CPEB4: variants seen among roughly 807,000 people sequenced by gnomAD.
CPEB4 encodes cytoplasmic polyadenylation element binding protein 4, also known as cytoplasmic polyadenylation element-binding protein 4.
A neutral mutation model predicts 72.5 loss-of-function variants in CPEB4; 12 were observed. The observed-to-expected ratio is 0.17, with a 90% CI of 0.11 to 0.27. CPEB4 has a LOEUF of 0.27. Ranked by LOEUF, CPEB4 falls within the 10% of genes least tolerant of loss-of-function variation. The pLI is 1.00. For synonymous variants in CPEB4, 302 were observed against 326.3 expected, an observed-to-expected ratio of 0.93 and a Z score of 0.80; for missense variants, 614 against 908.5, an observed-to-expected ratio of 0.68 and a Z score of 4.17.
At chr5:173,947,665 T>A (rs1758074545) in intron 5 of CPEB4, among the ~76,000 whole-genome samples, 1 of 152,138 alleles carries the variant, frequency 6.6e-6, no homozygotes, top group Non-Finnish European at 1.5e-5. Flanking sequence ...AACTCATTAG[T>A]TTTTGTAAGT....
intron 2 of CPEB4, among the ~76,000 whole-genome samples, chr5:173,924,926 G>A (rs980157154): frequency 6.6e-6 from 1 of 152,180 alleles, no homozygotes; most frequent in Non-Finnish European, 1.5e-5. Context: ...TGTAAATATG[G>A]TGTAATAAGT....
intron 1 of CPEB4, among the ~76,000 whole-genome samples, chr5:173,895,550 G>A (rs1458878794): frequency 6.6e-6 from 1 of 152,184 alleles, no homozygotes; most frequent in East Asian, 1.9e-4. Flanking sequence ...AGTTCTAAAA[G>A]TCATGGTGGA....
At chr5:173,907,821 C>T (rs1310593636) in intron 1 of CPEB4, among the ~76,000 whole-genome samples, 3 of 152,214 alleles carry the variant, frequency 2.0e-5, no homozygotes. Context: ...CCTGCCACCT[C>T]AGGCTCTTTT....
At chr5:173,920,899 ATCTTT>A (rs1198233987) in intron 2 of CPEB4, among the ~76,000 whole-genome samples, 3 of 152,218 alleles carry the variant, frequency 2.0e-5, no homozygotes, top group African/African-American at 7.2e-5. Context: ...TCTAAACTAC[ATCTTT>A]TCTTTTTGAG....
At chr5:173,952,649 G>A (rs963351583) in intron 8 of CPEB4, among the ~76,000 whole-genome samples, 2 of 152,012 alleles carry the variant, frequency 1.3e-5, no homozygotes, top group Non-Finnish European at 2.9e-5. Context: ...TAAGCCAGGA[G>A]GGCCCACAAA....
chr5:173,911,057 A>G (rs943950416), intron 2 of CPEB4, among the ~76,000 whole-genome samples: 1 of 151,714 alleles, frequency 6.6e-6, no homozygotes, highest in Non-Finnish European at 1.5e-5. Context: ...TGTAGTTCTC[A>G]GAATTTTTTT....
At chr5:173,897,865 G>A (rs1215001738) in intron 1 of CPEB4, among the ~76,000 whole-genome samples, 1 of 142,154 alleles carries the variant, frequency 7.0e-6, no homozygotes, top group Non-Finnish European at 1.6e-5. Context: ...GTTACCGTAT[G>A]TTTATATATA....
intron 1 of CPEB4, among the ~76,000 whole-genome samples, chr5:173,898,971 T>C (rs535791299): frequency 1.3e-5 from 2 of 152,328 alleles, no homozygotes; most frequent in African/African-American, 4.8e-5. Flanking sequence ...TGGCCTGAAC[T>C]TAATTTTAAA....
chr5:173,933,980 C>G (rs2113243217), intron 3 of CPEB4, among the ~76,000 whole-genome samples: 1 of 152,268 alleles, frequency 6.6e-6, no homozygotes, highest in South Asian at 2.1e-4. Flanking sequence ...TCCAGGAATT[C>G]AACACCAGCC....
At chr5:173,893,124 A>T (rs976918352) in intron 1 of CPEB4, 1 of 151,888 alleles carries the variant, frequency 6.6e-6, no homozygotes, top group South Asian at 2.1e-4. Flanking sequence ...GAAATAAATG[A>T]TTTGAAAAAA....
chr5:173,905,014 A>G (rs1449744442), intron 1 of CPEB4, among the ~76,000 whole-genome samples: 2,201 of 59,932 alleles, frequency 0.037, 50 homozygotes, highest in African/African-American at 0.13. Flanking sequence ...TAATAATAAT[A>G]ATAAAAAAAT....
chr5:173,896,541 T>C (rs1195983295), intron 1 of CPEB4, among the ~76,000 whole-genome samples: 1 of 152,182 alleles, frequency 6.6e-6, no homozygotes, highest in African/African-American at 2.4e-5. Flanking sequence ...GAACAATTAT[T>C]GAGAAAGGCT....
At position 173,958,813 on chromosome 5, in the gene CPEB4, T is replaced by C. The variant is rs1758457786; in HGVS notation, c.*2676T>C. On this transcript the variant is annotated 3_prime_UTR_variant, in exon 10 of 10. Coordinates refer to ENST00000265085, the MANE Select transcript of CPEB4 (RefSeq NM_030627.4). ...GACATTTTTGGTGAATGTTTAGCCATTTTTAATATTAATAAATTGATGTTA... is the reference window on the plus strand; with the variant it reads ...GACATTTTTGGTGAATGTTTAGCCACTTTTAATATTAATAAATTGATGTTA... 1 of 152,672 alleles carries C rather than the reference T, an allele frequency of 6.5e-6. No homozygotes were observed. Among genetic ancestry groups the C allele is most frequent in the Non-Finnish European group, 1.5e-5 (1 of 68,026 alleles). 9.5% of individuals were successfully genotyped at this position (152,672 alleles called of 1,614,324 possible).
At chr5:173,926,011 T>G (rs368069681) in intron 2 of CPEB4, among the ~76,000 whole-genome samples, 8 of 152,226 alleles carry the variant, frequency 5.3e-5, no homozygotes, top group Admixed American at 2.0e-4. Flanking sequence ...TACTTGTCAC[T>G]TTAGAGTTAT....
At chr5:173,923,836 G>T (rs1383539805) in intron 2 of CPEB4, among the ~76,000 whole-genome samples, 1 of 151,912 alleles carries the variant, frequency 6.6e-6, no homozygotes, top group Non-Finnish European at 1.5e-5. Context: ...TTATCTTGTT[G>T]CTCTGTCCTC....
chr5:173,947,774 C>G (rs914248713), intron 5 of CPEB4, among the ~76,000 whole-genome samples: 6 of 152,112 alleles, frequency 3.9e-5, no homozygotes, highest in African/African-American at 1.4e-4. Context: ...ATAATGAATA[C>G]TCACTAGCAG....
At chr5:173,893,860 C>G (rs557513624) in intron 1 of CPEB4, among the ~76,000 whole-genome samples, 39 of 152,024 alleles carry the variant, frequency 2.6e-4, no homozygotes, top group African/African-American at 9.4e-4. Context: ...CATAATCCTC[C>G]CCCCCAATAA....
chr5:173,938,427 T>C (rs2113256961), intron 3 of CPEB4, among the ~76,000 whole-genome samples: 1 of 152,296 alleles, frequency 6.6e-6, no homozygotes, highest in African/African-American at 2.4e-5. Flanking sequence ...GGTTTTACCA[T>C]ATTGGCCAGG....
chr5:173,899,379 A>T (rs1421831633), intron 1 of CPEB4, among the ~76,000 whole-genome samples: 1 of 152,032 alleles, frequency 6.6e-6, no homozygotes, highest in Non-Finnish European at 1.5e-5. Context: ...AAACATTAAA[A>T]TTTTTTTCAA....
Sources: gnomAD v4.1 joint callset for allele counts (sites outside exome capture counted in the v4.1 genomes callset) on GRCh38, gnomAD v4.1.1 for gene constraint, MANE v1.5 for transcripts, NCBI Gene and HGNC (gene_info 2026-07-23, HGNC 2026-07-21) for gene names.